Variants in FREM1 observed in about 807,000 individuals in gnomAD.
FREM1 encodes the protein FRAS1-related extracellular matrix protein 1.
A neutral mutation model predicts 210.1 loss-of-function variants in FREM1; 220 were observed. The observed-to-expected ratio is 1.05, with a 90% CI of 0.94 to 1.17. FREM1 has a LOEUF of 1.17. FREM1 is among the 50% of genes most tolerant of loss of function. FREM1 has a pLI of 0.00. For synonymous variants in FREM1, 1,189 were observed against 980.2 expected (o/e 1.21, Z -3.98); for missense variants, 3,454 against 2,675.5 (o/e 1.29, Z -6.42).
intron 1 of FREM1, among the ~76,000 whole-genome samples, chr9:14,873,945 C>G (rs1052492836): frequency 2.0e-5 from 3 of 152,194 alleles, no homozygotes; most frequent in Non-Finnish European, 2.9e-5. Context: ...CATTCAGGAG[C>G]AGGTTGTTCA....
At chr9:14,765,649 A>T (rs1846258650) in intron 27 of FREM1, among the ~76,000 whole-genome samples, 1 of 152,104 alleles carries the variant, frequency 6.6e-6, no homozygotes, top group Non-Finnish European at 1.5e-5. Context: ...TGTTTCATAA[A>T]AGCTGCTAAA....
At chr9:14,739,536 TTATA>T (rs376624123) in intron 36 of FREM1, among the ~76,000 whole-genome samples, 2,449 of 146,658 alleles carry the variant, frequency 0.017, 80 homozygotes, top group African/African-American at 0.058. Flanking sequence ...TATGTAAATA[TTATA>T]TATATTTATA....
chr9:14,784,661 A>C (rs1850134396), intron 23 of FREM1, 27 bp from the exon 24 acceptor site: 2 of 1,473,186 alleles, frequency 1.4e-6, no homozygotes, highest in Non-Finnish European at 1.8e-6. Context: ...GTTATGGTCA[A>C]TAATCATATC....
chr9:14,740,267 C>G, intron 35 of FREM1, 33 bp from the exon 36 acceptor site: 1 of 1,469,234 alleles, frequency 6.8e-7, no homozygotes, highest in Non-Finnish European at 9.5e-7. Flanking sequence ...GTATCAGCAA[C>G]AAGCAGTTAA....
intron 23 of FREM1, among the ~76,000 whole-genome samples, chr9:14,786,915 C>T (rs529205315): frequency 2.2e-3 from 331 of 152,210 alleles, no homozygotes; most frequent in Middle Eastern, 6.8e-3. Context: ...GAGGTTTCAC[C>T]AGGAGCAGGA....
At chr9:14,835,356 G>A (rs965081329) in intron 10 of FREM1, among the ~76,000 whole-genome samples, 3 of 152,158 alleles carry the variant, frequency 2.0e-5, no homozygotes, top group African/African-American at 7.2e-5. Context: ...TGGCAATACA[G>A]TTGTTTGCAT....
chr9:14,823,420 T>C, intron 12 of FREM1, 93 bp from the exon 13 acceptor site: 1 of 1,125,600 alleles, frequency 8.9e-7, no homozygotes, highest in East Asian at 2.4e-5. Flanking sequence ...TAATTGATAT[T>C]GAACACTGTA....
chr9:14,874,822 T>C (rs1833387969), intron 1 of FREM1, among the ~76,000 whole-genome samples: 1 of 152,208 alleles, frequency 6.6e-6, no homozygotes, highest in African/African-American at 2.4e-5. Flanking sequence ...TTCCTTTCCA[T>C]ATTTAGTGCT....
intron 6 of FREM1, among the ~76,000 whole-genome samples, chr9:14,850,838 G>A (rs977755097): frequency 3.9e-5 from 6 of 152,224 alleles, no homozygotes; most frequent in African/African-American, 1.4e-4. Flanking sequence ...TCAAACTGGT[G>A]AGCCCTGGGT....
At chr9:14,831,114 C>T (rs1823481586) in intron 10 of FREM1, among the ~76,000 whole-genome samples, 1 of 152,174 alleles carries the variant, frequency 6.6e-6, no homozygotes, top group Non-Finnish European at 1.5e-5. Flanking sequence ...ACCTTGCCAT[C>T]ACGTGAGGCT....
chr9:14,894,519 G>A (rs753985296), intron 1 of FREM1, among the ~76,000 whole-genome samples: 3 of 152,206 alleles, frequency 2.0e-5, no homozygotes, highest in African/African-American at 7.2e-5. Context: ...CAACTTTCAG[G>A]ACTCTCATGG....
At chr9:14,837,935 A>G (rs890142608) in intron 10 of FREM1, among the ~76,000 whole-genome samples, 2 of 152,210 alleles carry the variant, frequency 1.3e-5, no homozygotes, top group African/African-American at 4.8e-5. Flanking sequence ...GCTACTAGCT[A>G]TCTTGAGTGA....
chr9:14,744,446 C>A (rs1407321191), intron 35 of FREM1, among the ~76,000 whole-genome samples: 5 of 152,018 alleles, frequency 3.3e-5, no homozygotes, highest in African/African-American at 9.7e-5. Flanking sequence ...TTATTTCTAA[C>A]AACATAGATT....
intron 5 of FREM1, among the ~76,000 whole-genome samples, chr9:14,852,457 G>A (rs979686818): frequency 6.6e-6 from 1 of 152,190 alleles, no homozygotes; most frequent in Non-Finnish European, 1.5e-5. Context: ...GGAGGCCGAG[G>A]TGGGAGGATT....
chr9:14,823,398 G>C, intron 12 of FREM1, 71 bp from the exon 13 acceptor site: 2 of 1,342,368 alleles, frequency 1.5e-6, no homozygotes, highest in Non-Finnish European at 2.1e-6. Flanking sequence ...AGGTCCAAGA[G>C]AACCATCATG....
At chr9:14,835,397 A>C (rs1468791642) in intron 10 of FREM1, among the ~76,000 whole-genome samples, 1 of 152,224 alleles carries the variant, frequency 6.6e-6, no homozygotes, top group African/African-American at 2.4e-5. Context: ...TTTCTTTGTC[A>C]ACAGGACACA....
chr9:14,870,565 G>C (rs1284250299), intron 1 of FREM1, among the ~76,000 whole-genome samples: 1 of 151,874 alleles, frequency 6.6e-6, no homozygotes, highest in Non-Finnish European at 1.5e-5. Flanking sequence ...TAATATTCCT[G>C]TTACATAATC....
chr9:14,850,781 C>G (rs886721147), intron 6 of FREM1, among the ~76,000 whole-genome samples: 4 of 152,192 alleles, frequency 2.6e-5, no homozygotes, highest in Non-Finnish European at 5.9e-5. Context: ...TCTCTAACTT[C>G]AATGGTCTCT....
At chr9:14,854,636 T>C (rs1305397071) in intron 5 of FREM1, among the ~76,000 whole-genome samples, 2 of 151,964 alleles carry the variant, frequency 1.3e-5, no homozygotes, top group African/African-American at 4.8e-5. Flanking sequence ...AACAAAATTA[T>C]CATCACTAGT....
Sources: allele counts gnomAD v4.1 joint callset (sites outside exome capture counted in the v4.1 genomes callset), GRCh38; gene constraint gnomAD v4.1.1; transcripts MANE v1.5; gene names NCBI Gene and HGNC (gene_info 2026-07-23, HGNC 2026-07-21).